AMOTL1: variants seen among roughly 807,000 people sequenced by gnomAD.
AMOTL1 encodes angiomotin-like protein 1.
Under a neutral mutation model 102.9 loss-of-function variants are expected in AMOTL1, and 45 were observed. The observed-to-expected ratio is 0.44, with a 90% CI of 0.34 to 0.56. AMOTL1 has a LOEUF of 0.56. Ranked by LOEUF, AMOTL1 falls within the 20% of genes least tolerant of loss-of-function variation. AMOTL1 has a pLI of 0.01. For missense variants in AMOTL1, 1,114 were observed against 1,225.6 expected (o/e 0.91, Z 1.36); for synonymous variants, 481 against 484.7 (o/e 0.99, Z 0.10).
At chr11:94,842,002 T>C (rs1952312627) in intron 6 of AMOTL1, among the ~76,000 whole-genome samples, 1 of 152,208 alleles carries the variant, frequency 6.6e-6, no homozygotes, top group Non-Finnish European at 1.5e-5. Flanking sequence ...ATAGATAAAT[T>C]ATATAAAATA....
At chr11:94,853,848 A>G in intron 7 of AMOTL1, 85 bp from the exon 8 acceptor site, 5 of 1,485,436 alleles carry the variant, frequency 3.4e-6, no homozygotes, top group Non-Finnish European at 4.6e-6. Flanking sequence ...TAGGATCTCC[A>G]GGTAATCTGA....
chr11:94,868,951 A>AG (rs1952936405), intron 11 of AMOTL1, among the ~76,000 whole-genome samples: 1 of 151,602 alleles, frequency 6.6e-6, no homozygotes. Flanking sequence ...CTCCAAAAAA[A>AG]AAAAACAAAA....
intron 3 of AMOTL1, among the ~76,000 whole-genome samples, chr11:94,741,634 A>T (rs924172101): frequency 1.3e-5 from 2 of 152,002 alleles, no homozygotes; most frequent in African/African-American, 4.8e-5. Context: ...GGCTGAAGAG[A>T]GAGTGAAGAG....
intron 3 of AMOTL1, among the ~76,000 whole-genome samples, chr11:94,811,319 C>G (rs1951678303): frequency 6.6e-6 from 1 of 151,828 alleles, no homozygotes; most frequent in Non-Finnish European, 1.5e-5. Context: ...ATGGTGAAAC[C>G]CCGTCTCTAC....
intron 3 of AMOTL1, among the ~76,000 whole-genome samples, chr11:94,817,865 A>G (rs917411083): frequency 6.6e-6 from 1 of 152,174 alleles, no homozygotes; most frequent in Non-Finnish European, 1.5e-5. Context: ...CTAATGAAAG[A>G]CTGAAATAAT....
At chr11:94,745,073 T>A (rs2135482797) in intron 3 of AMOTL1, among the ~76,000 whole-genome samples, 1 of 152,294 alleles carries the variant, frequency 6.6e-6, no homozygotes, top group East Asian at 1.9e-4. Context: ...ACTTTTTTTT[T>A]TATACTTTAA....
intron 1 of AMOTL1, among the ~76,000 whole-genome samples, chr11:94,770,042 G>T (rs1950922116): frequency 6.6e-6 from 1 of 152,128 alleles, no homozygotes; most frequent in Non-Finnish European, 1.5e-5. Flanking sequence ...GTCAAGGCTT[G>T]AAATATTAAA....
chr11:94,836,296 T>A (rs1374543666), intron 6 of AMOTL1, among the ~76,000 whole-genome samples: 1 of 152,250 alleles, frequency 6.6e-6, no homozygotes, highest in Non-Finnish European at 1.5e-5. Context: ...GTGAACACAC[T>A]GATTTACCTC....
At chr11:94,798,619 G>A (rs1951410485) in intron 2 of AMOTL1, among the ~76,000 whole-genome samples, 2 of 152,088 alleles carry the variant, frequency 1.3e-5, no homozygotes, top group South Asian at 4.2e-4. Context: ...ACGAGGGGTA[G>A]GTGTGGTGTC....
chr11:94,754,167 G>A (rs1359146204), intron 3 of AMOTL1, among the ~76,000 whole-genome samples: 1 of 152,198 alleles, frequency 6.6e-6, no homozygotes, highest in Non-Finnish European at 1.5e-5. Flanking sequence ...TTCAATTATT[G>A]TTGTTATTAT....
rs537422562 is a variant in AMOTL1, at chr11:94,814,807, C to T, written c.1122-6723C>T. Among the ~76,000 whole-genome samples, 8 of 152,282 alleles carry T rather than the reference C, an allele frequency of 5.3e-5. No homozygotes were observed. The South Asian group carries it at 6.2e-4, about 12-fold the overall frequency. On this transcript the variant is annotated intron_variant, in intron 3 of 12. Transcript: ENST00000433060. ...AAGCTTACTAGACATCCTGTATCTC[C>T]GTTTCATGGGACTATAATGCCACTT...
In AMOTL1 at chr11:94,873,940, A is replaced by G. The variant is rs933201690; in HGVS notation, c.*3145A>G. ...AAGCACAGCTCCAAACTATACCTAA[A>G]AAATATTTCTGCACTTCCCAGAGAC... On this transcript the variant is annotated 3_prime_UTR_variant, in exon 13 of 13. Transcript: ENST00000433060. 6.6e-6 allele frequency: 1 copy of G among 152,256 alleles called. No homozygotes were observed. Among genetic ancestry groups the G allele is most frequent in the African/African-American group, 2.4e-5 (1 of 41,458 alleles). The allele number at this position is 152,256 out of a possible 1,614,324, so 9.4% of individuals were successfully genotyped here.
At position 94,859,644 on chromosome 11, in the gene AMOTL1, G is replaced by A. The variant is rs940725226; in HGVS notation, c.2064G>A (p.Glu688=). 7.4e-6 allele frequency: 12 copies of A among 1,613,406 alleles called. No individual in the cohort carries two copies. The East Asian group carries it at 1.8e-4, about 24-fold the overall frequency. The change falls in exon 9 of 13, where the codon GAG becomes GAA. Residue 688 remains glutamate (E), a synonymous_variant. Transcript: ENST00000433060. ...LALEADMTKW[E]QKYLEESTIR... ...TGGAGGCCGACATGACAAAGTGGGA[G>A]CAGAAGTACCTGGAGGAGAGCACCA...
chr11:94,833,674 A>C (rs1205837116), intron 6 of AMOTL1, among the ~76,000 whole-genome samples: 1 of 152,222 alleles, frequency 6.6e-6, no homozygotes, highest in African/African-American at 2.4e-5. Context: ...GGCAGAGCAG[A>C]GGAGAAATTC....
chr11:94,744,078 C>T (rs909207583), intron 3 of AMOTL1, among the ~76,000 whole-genome samples: 1 of 152,132 alleles, frequency 6.6e-6, no homozygotes, highest in Non-Finnish European at 1.5e-5. Flanking sequence ...TACCACTACC[C>T]AGAGTTAGCA....
chr11:94,821,997 C>T (rs1200849284), intron 4 of AMOTL1, among the ~76,000 whole-genome samples, 176 bp downstream of exon 4: 1 of 152,100 alleles, frequency 6.6e-6, no homozygotes, highest in Non-Finnish European at 1.5e-5. Flanking sequence ...GAGGAGCTTA[C>T]ATTCCAAAAA....
chr11:94,792,433 G>C (rs1190935427), intron 1 of AMOTL1, among the ~76,000 whole-genome samples: 1 of 152,196 alleles, frequency 6.6e-6, no homozygotes, highest in Non-Finnish European at 1.5e-5. Flanking sequence ...AAACCTGCAC[G>C]TTGTGCACAT....
Position 94,873,355 on chromosome 11 carries a change from G to C in AMOTL1, c.*2560G>C, listed in dbSNP as rs1953038470. On this transcript the variant is annotated 3_prime_UTR_variant, in exon 13 of 13. Coordinates refer to ENST00000433060, the MANE Select transcript of AMOTL1 (RefSeq NM_130847.3). ...TGTCTTCTTCTATGGGAAATTTCCT[G>C]CCAAGCCAGGGCACTAAATTCTTTC... is the stretch of plus-strand genomic sequence containing the variant. 6.6e-6 allele frequency: 1 copy of C among 152,168 alleles called. No homozygotes were observed. 9.4% of individuals were successfully genotyped at this position (152,168 alleles called of 1,614,324 possible).
chr11:94,865,620 A>G (rs1279716935), intron 10 of AMOTL1, among the ~76,000 whole-genome samples: 1 of 150,730 alleles, frequency 6.6e-6, no homozygotes, highest in Non-Finnish European at 1.5e-5. Context: ...TCCCCTACCT[A>G]CCCCCGGCCC....
Sources: allele counts gnomAD v4.1 joint callset (sites outside exome capture counted in the v4.1 genomes callset), GRCh38; gene constraint gnomAD v4.1.1; transcripts MANE v1.5; gene names NCBI Gene and HGNC (gene_info 2026-07-23, HGNC 2026-07-21).